Variants in ADGRD1 observed in about 807,000 individuals in gnomAD.
ADGRD1 encodes the protein G-protein coupled receptor 133.
In ADGRD1, 77 loss-of-function variants were observed where a neutral mutation model predicts 113.4. The ratio of observed to expected loss-of-function variants is 0.68; its 90% CI spans 0.57 to 0.82. The LOEUF is 0.82. ADGRD1 is among the 40% of genes least tolerant of loss of function. The pLI is 0.00. For missense variants in ADGRD1, 1,036 were observed against 1,139.1 expected (o/e 0.91, Z 1.30); for synonymous variants, 474 against 475.0 (o/e 1.00, Z 0.03).
rs538627710 is a variant in ADGRD1 at position 131,129,471 on chromosome 12, G to A, written c.2176-2254G>A. On this transcript the variant is annotated intron_variant, in intron 20 of 24. Coordinates refer to ENST00000261654, the MANE Select transcript of ADGRD1 (RefSeq NM_198827.5). Reference sequence around the variant, plus strand: ...GACAGGCCCGCCCTGCTGTCTGGGTGTGAGTGACAGCCCCGCCCTGCTGTC... The same window carrying A: ...GACAGGCCCGCCCTGCTGTCTGGGTATGAGTGACAGCCCCGCCCTGCTGTC... 3.2e-3 allele frequency among the ~76,000 whole-genome samples: 488 copies of A among 150,160 alleles called. 12 individuals carry two copies. The highest frequency in any genetic ancestry group is 0.011 in the African/African-American group (461 of 40,700).
intron 13 of ADGRD1, among the ~76,000 whole-genome samples, chr12:131,040,694 C>G (rs570417474): frequency 2.0e-5 from 3 of 152,322 alleles, no homozygotes; most frequent in African/African-American, 7.2e-5. Flanking sequence ...GCCTTGTTAT[C>G]TGTAAGACAG....
chr12:131,017,201 A>ACACATG (rs574093083), intron 13 of ADGRD1, among the ~76,000 whole-genome samples: 10 of 151,846 alleles, frequency 6.6e-5, no homozygotes, highest in Non-Finnish European at 1.3e-4. Context: ...ACGCATACAC[A>ACACATG]CACATGCACA....
At chr12:131,043,447 G>T (rs977764503) in intron 13 of ADGRD1, among the ~76,000 whole-genome samples, 1 of 152,356 alleles carries the variant, frequency 6.6e-6, no homozygotes, top group Middle Eastern at 3.4e-3. Flanking sequence ...CAGCAGCCAC[G>T]CTCACTGCCC....
chr12:131,038,375 C>T (rs549130826), intron 13 of ADGRD1, among the ~76,000 whole-genome samples: 1 of 152,358 alleles, frequency 6.6e-6, no homozygotes, highest in Non-Finnish European at 1.5e-5. Context: ...CTGCATCTCG[C>T]CTGCCTGCCA....
At chr12:130,955,228 G>T (rs1174469039) in intron 2 of ADGRD1, among the ~76,000 whole-genome samples, 1 of 150,750 alleles carries the variant, frequency 6.6e-6, no homozygotes, top group Non-Finnish European at 1.5e-5. Flanking sequence ...GCCTCCCAGA[G>T]TGCTGGGATT....
chr12:131,127,035 C>G lies in ADGRD1; in HGVS notation c.2176-4690C>G, dbSNP rs572952350. Among the ~76,000 whole-genome samples, 6 of 151,292 alleles carry G rather than the reference C, an allele frequency of 4.0e-5. No homozygotes were observed. The East Asian group carries it at 1.2e-3, about 29-fold the overall frequency. On this transcript the variant is annotated intron_variant, in intron 20 of 24. Coordinates refer to ENST00000261654, the MANE Select transcript of ADGRD1 (RefSeq NM_198827.5). ...GAGGCCATGGTGAGCCGCTCCTCCT[C>G]TTAGGAAGCCACAGCAAATGTATCA...
At chr12:130,956,935 AAC>A (rs1275171255) in intron 2 of ADGRD1, 6 of 152,450 alleles carry the variant, frequency 3.9e-5, no homozygotes, top group Non-Finnish European at 7.3e-5. Flanking sequence ...CACATGTGCC[AAC>A]ACACATCACA....
chr12:131,050,758 G>C lies in ADGRD1; in HGVS notation c.1474-26043G>C, dbSNP rs1883299893. Among the ~76,000 whole-genome samples the C allele has an allele frequency of 6.6e-6, 1 of 152,144 alleles. No homozygotes were observed. The highest frequency in any genetic ancestry group is 2.4e-5 in the African/African-American group (1 of 41,440). ...GACAATTTTTGCACGGATGGGGTGG[G>C]GGATGGATTCGGGATGAAACTGTTC... On this transcript the variant is annotated intron_variant, in intron 13 of 24. Coordinates refer to ENST00000261654, the MANE Select transcript of ADGRD1 (RefSeq NM_198827.5). This position sits in a 1 kb window ranked among gnomAD's most constrained non-coding sequence, Gnocchi z 4.8.
intron 12 of ADGRD1, among the ~76,000 whole-genome samples, chr12:131,006,752 T>G (rs1454442489): frequency 1.3e-5 from 2 of 152,068 alleles, no homozygotes; most frequent in Non-Finnish European, 2.9e-5. Flanking sequence ...AATGTAGTCC[T>G]AAATTTTGTG....
intron 13 of ADGRD1, among the ~76,000 whole-genome samples, chr12:131,062,447 A>G (rs1373269855): frequency 2.0e-5 from 3 of 152,288 alleles, no homozygotes; most frequent in East Asian, 1.9e-4. Context: ...CAGGAGTACT[A>G]TTACAGGGCT....
intron 3 of ADGRD1, chr12:130,969,012 C>T (rs748396050): frequency 1.6e-5 from 24 of 1,535,146 alleles, no homozygotes; most frequent in South Asian, 1.1e-4. Context: ...GCTTCCTTCC[C>T]GTAATGCTAC....
At chr12:131,094,590 G>T (rs953276555) in intron 15 of ADGRD1, among the ~76,000 whole-genome samples, 1 of 147,174 alleles carries the variant, frequency 6.8e-6, no homozygotes. Flanking sequence ...GCGCCCCCCC[G>T]ACTCCCCAAG....
intron 15 of ADGRD1, among the ~76,000 whole-genome samples, chr12:131,104,519 A>T (rs971647665): frequency 3.3e-5 from 5 of 152,160 alleles, no homozygotes; most frequent in African/African-American, 1.2e-4. Context: ...AGCCCTGTGT[A>T]TTGCAGTGTA....
intron 13 of ADGRD1, among the ~76,000 whole-genome samples, chr12:131,047,746 T>C (rs1466177080): frequency 2.0e-5 from 3 of 152,164 alleles, no homozygotes; most frequent in Non-Finnish European, 4.4e-5. Flanking sequence ...CACCTCAGCA[T>C]TTCTTGGAAG....
At chr12:131,091,900 C>T (rs1976930) in intron 15 of ADGRD1, 13,667 of 152,320 alleles carry the variant, frequency 0.09, 707 homozygotes, top group Middle Eastern at 0.13. Context: ...ATGTTCACTG[C>T]GCCTTCCTGA....
At chr12:131,046,228 G>GTGCTCCCTCCCTGT (rs1882730151) in intron 13 of ADGRD1, among the ~76,000 whole-genome samples, 1 of 141,270 alleles carries the variant, frequency 7.1e-6, no homozygotes, top group Non-Finnish European at 1.5e-5. Flanking sequence ...GTCCTCCCTG[G>GTGCTCCCTCCCTGT]TCAGTGCTCC....
chr12:130,994,477 C>T (rs552593311), intron 8 of ADGRD1, among the ~76,000 whole-genome samples: 5 of 152,188 alleles, frequency 3.3e-5, no homozygotes, highest in Admixed American at 6.5e-5. Flanking sequence ...ACACAGTCGG[C>T]GCTCAATAAA....
intron 12 of ADGRD1, among the ~76,000 whole-genome samples, chr12:131,013,889 A>G (rs1878231358): frequency 6.6e-6 from 1 of 152,196 alleles, no homozygotes; most frequent in South Asian, 2.1e-4. Context: ...TACTTTTCTT[A>G]TAAACTCTTT....
At position 131,003,415 on chromosome 12, in the gene ADGRD1, T is replaced by C. The variant is rs1876652971; in HGVS notation, c.1144+113T>C. 1.2e-6 allele frequency: 1 copy of C among 808,514 alleles called. No individual in the cohort carries two copies. The highest frequency in any genetic ancestry group is 1.7e-5 in the African/African-American group (1 of 59,992). The allele number at this position is 808,514 out of a possible 1,614,324, so 50.1% of individuals were successfully genotyped here. On this transcript the variant is annotated intron_variant, in intron 10 of 24. Transcript: ENST00000261654. This position sits in a 1 kb window ranked among gnomAD's most constrained non-coding sequence, Gnocchi z 4.8. Reference sequence around the variant, plus strand: ...GAGAGCCATGCTCTGTCTCCCTGACTGCTCTGCCTGGCACAAACCACATTT... The same window carrying C: ...GAGAGCCATGCTCTGTCTCCCTGACCGCTCTGCCTGGCACAAACCACATTT...
Sources: allele counts gnomAD v4.1 joint callset (sites outside exome capture counted in the v4.1 genomes callset), GRCh38; gene constraint gnomAD v4.1.1; non-coding constraint Gnocchi (gnomAD v3.1); transcripts MANE v1.5; gene names NCBI Gene and HGNC (gene_info 2026-07-23, HGNC 2026-07-21).